ATF3: variants seen among roughly 807,000 people sequenced by gnomAD.
The protein encoded by ATF3 is activating transcription factor 3.
A neutral mutation model predicts 18.4 loss-of-function variants in ATF3; 10 were observed. That is an observed-to-expected ratio of 0.54 (90% CI 0.34 to 0.92). The LOEUF is 0.92. Among genes scored for constraint, ATF3 ranks in the 40% least tolerant of loss-of-function variants. The probability of loss-of-function intolerance (pLI) is 0.02; values close to 1 mark genes in which losing one functional copy is unlikely to be tolerated. For missense variants in ATF3, 183 were observed against 222.3 expected (o/e 0.82, Z 1.12); for synonymous variants, 78 against 87.9 (o/e 0.89, Z 0.63).
At chr1:212,595,218 G>C (rs549845668) in intron 1 of ATF3, among the ~76,000 whole-genome samples, 17 of 152,260 alleles carry the variant, frequency 1.1e-4, no homozygotes, top group Non-Finnish European at 2.1e-4. Context: ...TCTTTGGCTC[G>C]TTAGAAAAAA....
chr1:212,572,770 T>C (rs979412814), intron 1 of ATF3, among the ~76,000 whole-genome samples: 8 of 152,222 alleles, frequency 5.3e-5, no homozygotes, highest in Admixed American at 5.2e-4. Flanking sequence ...CATTATAGCT[T>C]TTCCAAGGCA....
chr1:212,574,317 T>A (rs1046956208), intron 1 of ATF3, among the ~76,000 whole-genome samples: 8 of 151,954 alleles, frequency 5.3e-5, no homozygotes, highest in African/African-American at 1.9e-4. Context: ...CTGTTTTAAT[T>A]TTCTGTCCTT....
At position 212,615,280 on chromosome 1, in the gene ATF3, A is replaced by T; in HGVS notation, c.240+19A>T. 6.2e-7 allele frequency: 1 copy of T among 1,612,164 alleles called. No individual in the cohort carries two copies. Among genetic ancestry groups the T allele is most frequent in the South Asian group, 1.1e-5 (1 of 90,996 alleles). Reference sequence around the variant, plus strand: ...AGCCGAGGTGGGTTCTATCACAGGTATTCATTCTTTCGGCACATGTTTCGC... The same window carrying T: ...AGCCGAGGTGGGTTCTATCACAGGTTTTCATTCTTTCGGCACATGTTTCGC... On this transcript the variant is annotated intron_variant, in intron 2 of 3. Transcript: ENST00000341491.
rs371540418 is a variant in ATF3 at position 212,598,090 on chromosome 1, T to G, written c.-4-16928T>G. 4.0e-3 allele frequency among the ~76,000 whole-genome samples: 603 copies of G among 152,264 alleles called. 4 individuals are homozygous for G. The highest frequency in any genetic ancestry group is 0.014 in the African/African-American group (579 of 41,546). On this transcript the variant is annotated intron_variant, in intron 1 of 3. Coordinates refer to the ATF3 transcript ENST00000366981. ...TTTTGCCTTCATGAAAGTTTATACT[T>G]TCATCTTTTAAGAATTAACACATCC...
upstream of ATF3, among the ~76,000 whole-genome samples, chr1:212,607,908 T>TAA (rs566547736): frequency 1.6e-3 from 235 of 147,328 alleles, 1 homozygote; most frequent in African/African-American, 5.1e-3. Context: ...TTTGTGATTG[T>TAA]AAAAAAAAAA....
chr1:212,566,883 C>T (rs1246907329), intron 1 of ATF3, among the ~76,000 whole-genome samples: 4 of 152,060 alleles, frequency 2.6e-5, no homozygotes, highest in Non-Finnish European at 4.4e-5. Flanking sequence ...AAACCTCGTA[C>T]GGCGAGTAAT....
At chr1:212,590,808 G>T (rs950481099) in intron 1 of ATF3, among the ~76,000 whole-genome samples, 1 of 152,184 alleles carries the variant, frequency 6.6e-6, no homozygotes, top group African/African-American at 2.4e-5. Flanking sequence ...CCGAGTTAGC[G>T]TTGGATATGG....
chr1:212,567,233 A>AGCATGCT (rs1664399329), intron 1 of ATF3, among the ~76,000 whole-genome samples: 1 of 151,906 alleles, frequency 6.6e-6, no homozygotes, highest in Admixed American at 6.6e-5. Context: ...CCGTAGGAGC[A>AGCATGCT]GCATGCTGTC....
intron 1 of ATF3, among the ~76,000 whole-genome samples, chr1:212,590,939 C>G (rs577780098): frequency 2.2e-4 from 33 of 152,318 alleles, no homozygotes; most frequent in South Asian, 6.2e-4. Flanking sequence ...TATCATGTGC[C>G]TGGTTTCTTG....
At chr1:212,612,317 A>G (rs1654931074) in intron 1 of ATF3, among the ~76,000 whole-genome samples, 2 of 152,204 alleles carry the variant, frequency 1.3e-5, no homozygotes, top group African/African-American at 4.8e-5. Context: ...AGTCATAAAC[A>G]GCAGACCCCA....
At chr1:212,571,439 A>C (rs61573043) in intron 1 of ATF3, among the ~76,000 whole-genome samples, 3,127 of 152,072 alleles carry the variant, frequency 0.021, 97 homozygotes, top group African/African-American at 0.07. Flanking sequence ...TGGGAGTCTC[A>C]CTGTGTTGCC....
chr1:212,613,864 T>C (rs1269550862), intron 1 of ATF3: 1 of 152,230 alleles, frequency 6.6e-6, no homozygotes, highest in African/African-American at 2.4e-5. Flanking sequence ...TACTCTTTAT[T>C]TTCCTTTTGT....
At chr1:212,609,080 T>G (rs1410621914) in intron 1 of ATF3, 150 bp downstream of exon 1, 3 of 152,268 alleles carry the variant, frequency 2.0e-5, no homozygotes, top group African/African-American at 7.2e-5. Flanking sequence ...TGGCTTAAAC[T>G]TCTTCTAAGC....
chr1:212,595,004 G>C (rs73077722), intron 1 of ATF3, among the ~76,000 whole-genome samples: 9,290 of 152,058 alleles, frequency 0.061, 1,000 homozygotes, highest in African/African-American at 0.21. Flanking sequence ...ATAATTGCAG[G>C]GTTGTCAATT....
At chr1:212,566,335 T>C (rs1431276665) in intron 1 of ATF3, among the ~76,000 whole-genome samples, 1 of 152,134 alleles carries the variant, frequency 6.6e-6, no homozygotes. Flanking sequence ...GGGCACAAGT[T>C]TGAGTGTCTG....
chr1:212,598,364 A>G (rs1558233403), intron 1 of ATF3, among the ~76,000 whole-genome samples: 1 of 152,110 alleles, frequency 6.6e-6, no homozygotes, highest in South Asian at 2.1e-4. Context: ...GTGTATGTTT[A>G]TGGGGTACAT....
intron 1 of ATF3, among the ~76,000 whole-genome samples, chr1:212,577,074 G>T (rs1571758872): frequency 6.6e-6 from 1 of 151,928 alleles, no homozygotes; most frequent in African/African-American, 2.4e-5. Flanking sequence ...GACAGTCTGT[G>T]GTTGGTAAAC....
intron 1 of ATF3, among the ~76,000 whole-genome samples, chr1:212,581,880 G>A (rs1345131299): frequency 6.6e-6 from 1 of 152,020 alleles, no homozygotes; most frequent in Non-Finnish European, 1.5e-5. Flanking sequence ...TATTATTTTC[G>A]AGGAATAGAC....
chr1:212,573,641 A>G (rs1664522034), intron 1 of ATF3, among the ~76,000 whole-genome samples: 3 of 152,000 alleles, frequency 2.0e-5, no homozygotes, highest in Non-Finnish European at 2.9e-5. Flanking sequence ...ACTGAAACAT[A>G]GTGATTACGT....
Sources: gnomAD v4.1 joint callset for allele counts (sites outside exome capture counted in the v4.1 genomes callset) on GRCh38, gnomAD v4.1.1 for gene constraint, MANE v1.5 for transcripts, NCBI Gene and HGNC (gene_info 2026-07-23, HGNC 2026-07-21) for gene names.